Variants in AXIN1 observed in about 807,000 individuals in gnomAD.
AXIN1 encodes axin 1.
A neutral mutation model predicts 76.4 loss-of-function variants in AXIN1; 30 were observed. The observed-to-expected ratio is 0.39, with a 90% CI of 0.29 to 0.53. AXIN1 has a LOEUF of 0.53. Among genes scored for constraint, AXIN1 ranks in the 20% least tolerant of loss-of-function variants. AXIN1 has a pLI of 0.66. For missense variants in AXIN1, 1,140 were observed against 1,198.8 expected (o/e 0.95, Z 0.72); for synonymous variants, 545 against 501.4 (o/e 1.09, Z -1.16).
intron 2 of AXIN1, among the ~76,000 whole-genome samples, chr16:323,664 C>G (rs1393495996): frequency 2.6e-5 from 4 of 151,660 alleles, no homozygotes; most frequent in African/African-American, 9.7e-5. Flanking sequence ...GCCTGTAGTC[C>G]CAGCTACTCG....
rs1274645685 is a variant in AXIN1, at chr16:293,510, T to C, written c.2164A>G (p.Ser722Gly). 1 of 1,609,992 alleles carries C rather than the reference T, an allele frequency of 6.2e-7. No homozygotes were observed. Residue 722 changes from serine (S) to glycine (G), a missense_variant, in exon 8 of 11, where the codon AGC becomes GGC. By Grantham distance (56) the Ser-to-Gly change is moderately conservative. Coordinates refer to ENST00000262320, the MANE Select transcript of AXIN1 (RefSeq NM_003502.4). The surrounding 1 kb of genome is among the most constrained non-coding windows in gnomAD (Gnocchi z 4.6). Reference protein sequence around the residue: ...RRLEEEEKRASRAPSKQRYVQ... With the variant: ...RRLEEEEKRAGRAPSKQRYVQ... ...TACCTCTGCTTGGAGGGTGCTCGGC[T>C]GGCTCTCTTTTCTTCCTCCTCCAGA...
chr16:326,179 C>A (rs902213000), intron 2 of AXIN1, among the ~76,000 whole-genome samples: 1 of 150,964 alleles, frequency 6.6e-6, no homozygotes, highest in Non-Finnish European at 1.5e-5. Context: ...ATGGTGAAAC[C>A]CCATCTCTAC....
chr16:311,806 T>C (rs989643189), intron 3 of AXIN1, among the ~76,000 whole-genome samples: 2 of 151,970 alleles, frequency 1.3e-5, no homozygotes, highest in African/African-American at 4.8e-5. Context: ...AAAGCTGCCT[T>C]CGGAAGCACG....
intron 2 of AXIN1, 56 bp from the exon 3 acceptor site, chr16:314,739 T>A (rs2053261780): frequency 1.2e-6 from 2 of 1,606,050 alleles, no homozygotes; most frequent in Non-Finnish European, 1.7e-6. Context: ...CCTCTCATTT[T>A]ATTTCACATT....
At chr16:289,896 C>A (rs2052506480) in intron 9 of AXIN1, 3 of 536,368 alleles carry the variant, frequency 5.6e-6, no homozygotes, top group Non-Finnish European at 1.0e-5. Context: ...GCAGCTCCCA[C>A]CTCTAGGATG....
At chr16:311,849 C>T (rs2053189331) in intron 3 of AXIN1, among the ~76,000 whole-genome samples, 1 of 152,184 alleles carries the variant, frequency 6.6e-6, no homozygotes, top group South Asian at 2.1e-4. Context: ...CACCCAGGGG[C>T]CTCTCAGAGC....
rs2054165007 is a variant in AXIN1, at chr16:352,393, C to A, written c.-106G>T. 1.0e-6 allele frequency: 1 copy of A among 967,112 alleles called. No homozygotes were observed. The highest frequency in any genetic ancestry group is 6.8e-5 in the Admixed American group (1 of 14,668). The allele number at this position is 967,112 out of a possible 1,614,324, so 59.9% of individuals were successfully genotyped here. On this transcript the variant is annotated 5_prime_UTR_variant, in exon 1 of 11. Coordinates refer to ENST00000262320, the MANE Select transcript of AXIN1 (RefSeq NM_003502.4). ...CCCGCGCGCGGTGGTGGCGGGACCC[C>A]GGGCCCGGCTCCCGGAGCGGCGCGG...
rs768126779 is a variant in AXIN1, at chr16:297,206, C to G, written c.1805G>C (p.Cys602Ser). ...LAHSGKVGVACKRNAKKAESG... is the reference protein window; with the variant it reads ...LAHSGKVGVASKRNAKKAESG... ...CTCAGCCTTCTTGGCATTTCTTTTG[C>G]ACGCCACGCCCACCTTCCCACTGCA... Residue 602 changes from cysteine (C) to serine (S), a missense_variant, in exon 7 of 11, where the codon TGC (cysteine) becomes TCC (serine). Around this residue, in one of 3 missense-constraint regions of AXIN1, gnomAD observed 429 missense variants for 405.8 expected, o/e 1.06. Transcript: ENST00000262320. The G allele has an allele frequency of 1.9e-6, 3 of 1,607,558 alleles. No homozygotes were observed. The highest frequency in any genetic ancestry group is 1.1e-5 in the South Asian group (1 of 91,092).
At position 287,440 on chromosome 16, in the gene AXIN1, G is replaced by A. The variant is rs895669044; in HGVS notation, c.*682C>T. ...CCGCAGAAGACACACCACAGCCAGG[G>A]CAGGTTCAAAAACAGTTTTATTTCA... On this transcript the variant is annotated 3_prime_UTR_variant, in exon 11 of 11. Coordinates refer to ENST00000262320, the MANE Select transcript of AXIN1 (RefSeq NM_003502.4). 4 of 463,796 alleles carry A rather than the reference G, an allele frequency of 8.6e-6. No homozygotes were observed. The highest frequency in any genetic ancestry group is 2.0e-5 in the African/African-American group (1 of 50,774). The allele number at this position is 463,796 out of a possible 1,614,324, so 28.7% of individuals were successfully genotyped here.
At position 346,431 on chromosome 16, in the gene AXIN1, G is replaced by T. The variant is rs1352136687; in HGVS notation, c.595C>A (p.Pro199Thr). ...TAAATATCAGACTTAAGGAAGGAGG[G>T]ATAGGTGTTTTCCTCCATAGTGGCC... ...IQATMEENTY[P>T]SFLKSDIYLE... The change falls in exon 2 of 11, where the codon CCC (proline) becomes ACC (threonine). Residue 199 changes from proline to threonine, a missense_variant. Pro to Thr is a conservative substitution (Grantham distance 38). Coordinates refer to ENST00000262320, the MANE Select transcript of AXIN1 (RefSeq NM_003502.4). 1 of 1,614,076 alleles carries T rather than the reference G, an allele frequency of 6.2e-7. No homozygotes were observed. The highest frequency in any genetic ancestry group is 1.3e-5 in the African/African-American group (1 of 74,936).
At chr16:288,281 G>A (rs2052443533) in intron 10 of AXIN1, 33 bp from the exon 11 acceptor site, 1 of 1,613,032 alleles carries the variant, frequency 6.2e-7, no homozygotes, top group African/African-American at 1.3e-5. Context: ...GCAGTGAGCA[G>A]GCAGCACCGC....
chr16:343,777 G>A (rs888384897), intron 2 of AXIN1, among the ~76,000 whole-genome samples: 1 of 151,488 alleles, frequency 6.6e-6, no homozygotes, highest in Non-Finnish European at 1.5e-5. Flanking sequence ...ACTTTGGGAG[G>A]CTGAGATCAC....
At chr16:307,159 A>G (rs1390266877) in intron 4 of AXIN1, among the ~76,000 whole-genome samples, 3 of 152,206 alleles carry the variant, frequency 2.0e-5, no homozygotes, top group African/African-American at 7.2e-5. Context: ...AACAGTCAGC[A>G]CCACAGAGAC....
In AXIN1 at chr16:309,853, C is replaced by A. The variant is rs539080357; in HGVS notation, c.1116+120G>T. On this transcript the variant is annotated intron_variant, in intron 4 of 10. Transcript: ENST00000262320. ...AGATGTTGCTGGGATCACACGCTTA[C>A]GCCTAGAGGTAAGCCTGGCTCGTGG... is the stretch of plus-strand genomic sequence containing the variant. 3.6e-5 allele frequency: 34 copies of A among 936,836 alleles called. No homozygotes were observed. In the African/African-American group the frequency reaches 4.7e-4, roughly 13 times the overall value. 58.0% of individuals were successfully genotyped at this position (936,836 alleles called of 1,614,324 possible).
chr16:288,900 G>C (rs1036215963), intron 10 of AXIN1, among the ~76,000 whole-genome samples: 3 of 152,242 alleles, frequency 2.0e-5, no homozygotes, highest in African/African-American at 7.2e-5. Context: ...GACCATCGTC[G>C]TCTAGGGGTC....
At chr16:288,915 C>T (rs1358459512) in intron 10 of AXIN1, among the ~76,000 whole-genome samples, 1 of 152,250 alleles carries the variant, frequency 6.6e-6, no homozygotes, top group Non-Finnish European at 1.5e-5. Context: ...GGGGTCTGGC[C>T]TCTGTTTTCC....
intron 2 of AXIN1, among the ~76,000 whole-genome samples, chr16:342,921 G>A (rs905438262): frequency 2.0e-5 from 3 of 152,168 alleles, no homozygotes; most frequent in Admixed American, 6.5e-5. Context: ...GGGTTTCCAC[G>A]ACTTCCAACC....
intron 5 of AXIN1, among the ~76,000 whole-genome samples, chr16:304,024 G>C (rs377225902): frequency 2.7e-4 from 41 of 152,314 alleles, no homozygotes; most frequent in South Asian, 1.0e-3. Context: ...CAAAGGATCA[G>C]GTACACAGCA....
At chr16:297,480 C>A (rs1014279800) in intron 6 of AXIN1, among the ~76,000 whole-genome samples, 3 of 152,172 alleles carry the variant, frequency 2.0e-5, no homozygotes, top group African/African-American at 4.8e-5. Context: ...CTGCTCACCC[C>A]CTGAAGACTG....
Sources: allele counts gnomAD v4.1 joint callset (sites outside exome capture counted in the v4.1 genomes callset), GRCh38; gene constraint gnomAD v4.1.1; regional missense constraint gnomAD v4.1.1; non-coding constraint Gnocchi (gnomAD v3.1); transcripts MANE v1.5; gene names NCBI Gene and HGNC (gene_info 2026-07-23, HGNC 2026-07-21).